MYCBP2: variants seen among roughly 807,000 people sequenced by gnomAD.
The protein encoded by MYCBP2 is E3 ubiquitin-protein ligase MYCBP2.
A neutral mutation model predicts 525.3 loss-of-function variants in MYCBP2; 120 were observed. The observed-to-expected ratio is 0.23, with a 90% confidence interval of 0.20 to 0.27. The LOEUF is 0.27. Among genes scored for constraint, MYCBP2 ranks in the 10% least tolerant of loss-of-function variants. The pLI is 1.00. For missense variants in MYCBP2, 4,149 were observed against 5,657.1 expected, an observed-to-expected ratio of 0.73 and a Z score of 8.55; for synonymous variants, 1,894 against 1,955.8, an observed-to-expected ratio of 0.97 and a Z score of 0.83.
At chr13:77,294,517 G>A (rs531219124) in intron 2 of MYCBP2, among the ~76,000 whole-genome samples, 2 of 152,190 alleles carry the variant, frequency 1.3e-5, no homozygotes, top group African/African-American at 4.8e-5. Context: ...GCTAGTTGGA[G>A]GCCGAATTGA....
At chr13:77,285,932 T>C (rs2154356749) in intron 3 of MYCBP2, among the ~76,000 whole-genome samples, 1 of 150,404 alleles carries the variant, frequency 6.6e-6, no homozygotes, top group East Asian at 2.1e-4. Flanking sequence ...GAAGGAGCTA[T>C]TAGAGTAGGT....
intron 52 of MYCBP2, among the ~76,000 whole-genome samples, chr13:77,131,255 G>A (rs746966454): frequency 2.6e-5 from 4 of 152,108 alleles, no homozygotes. Flanking sequence ...AGTAGTGCAT[G>A]CCTATACTCG....
intron 2 of MYCBP2, among the ~76,000 whole-genome samples, chr13:77,290,793 A>G (rs1359745206): frequency 6.6e-6 from 1 of 152,144 alleles, no homozygotes; most frequent in Non-Finnish European, 1.5e-5. Context: ...CTGTGGTAAG[A>G]GTCACATGGA....
At chr13:77,053,082 A>C (rs2037166993) in intron 80 of MYCBP2, among the ~76,000 whole-genome samples, 2 of 151,934 alleles carry the variant, frequency 1.3e-5, no homozygotes, top group Non-Finnish European at 2.9e-5. Flanking sequence ...AGGCTGCAGT[A>C]AGCTGAGATC....
At chr13:77,064,118 C>T (rs1014898608) in intron 73 of MYCBP2, among the ~76,000 whole-genome samples, 1 of 152,130 alleles carries the variant, frequency 6.6e-6, no homozygotes, top group Admixed American at 6.5e-5. Context: ...AATCTCATTT[C>T]CTCAAAGATT....
At chr13:77,277,947 CTTT>C (rs2075806513) in intron 4 of MYCBP2, among the ~76,000 whole-genome samples, 1 of 152,154 alleles carries the variant, frequency 6.6e-6, no homozygotes, top group East Asian at 1.9e-4. Flanking sequence ...TCCTTAGTAC[CTTT>C]TAAGTAAAAG....
chr13:77,277,101 C>CA (rs1257365555), intron 4 of MYCBP2, among the ~76,000 whole-genome samples: 3 of 152,052 alleles, frequency 2.0e-5, no homozygotes, highest in African/African-American at 7.2e-5. Context: ...TAACAACTGA[C>CA]ATGAGACATG....
intron 8 of MYCBP2, among the ~76,000 whole-genome samples, chr13:77,267,188 G>T (rs967676557): frequency 2.0e-5 from 3 of 151,766 alleles, no homozygotes. Flanking sequence ...CATTTTTCCA[G>T]CATTCATCAA....
At chr13:77,195,146 T>C (rs1212404058) in intron 26 of MYCBP2, among the ~76,000 whole-genome samples, 1 of 152,192 alleles carries the variant, frequency 6.6e-6, no homozygotes, top group Non-Finnish European at 1.5e-5. Flanking sequence ...GGTGTCTAAA[T>C]TTTTAAATTA....
At chr13:77,277,556 C>T (rs955489038) in intron 4 of MYCBP2, among the ~76,000 whole-genome samples, 5 of 152,196 alleles carry the variant, frequency 3.3e-5, no homozygotes, top group African/African-American at 1.2e-4. Context: ...TAGGTTCATG[C>T]AGTTTGGTTC....
chr13:77,126,871 A>G (rs2051762747), intron 52 of MYCBP2, among the ~76,000 whole-genome samples: 1 of 152,126 alleles, frequency 6.6e-6, no homozygotes, highest in South Asian at 2.1e-4. Context: ...AAATAAAAAT[A>G]CTATACTATG....
chr13:77,242,898 T>C (rs551818751), intron 17 of MYCBP2, among the ~76,000 whole-genome samples, 161 bp downstream of exon 17: 1 of 152,342 alleles, frequency 6.6e-6, no homozygotes, highest in South Asian at 2.1e-4. Flanking sequence ...GAAGCATGAA[T>C]ACCCTGAATA....
chr13:77,180,597 A>G (rs773320860), intron 33 of MYCBP2, among the ~76,000 whole-genome samples: 1 of 152,222 alleles, frequency 6.6e-6, no homozygotes, highest in Non-Finnish European at 1.5e-5. Context: ...TTACAATTCT[A>G]TATGACAGAC....
chr13:77,192,387 C>CT (rs2061369471), intron 27 of MYCBP2, among the ~76,000 whole-genome samples: 1 of 152,146 alleles, frequency 6.6e-6, no homozygotes, highest in Non-Finnish European at 1.5e-5. Flanking sequence ...TGTTTGGAGT[C>CT]TGTCACATAA....
intron 52 of MYCBP2, among the ~76,000 whole-genome samples, chr13:77,133,347 A>C (rs2053225985): frequency 6.6e-6 from 1 of 152,224 alleles, no homozygotes; most frequent in Non-Finnish European, 1.5e-5. Context: ...AATTATTTTA[A>C]ACAGAATGAT....
chr13:77,189,128 G>T, intron 29 of MYCBP2, 81 bp from the exon 30 acceptor site: 1 of 924,060 alleles, frequency 1.1e-6, no homozygotes, highest in Non-Finnish European at 1.5e-6. Flanking sequence ...ATACATTTTT[G>T]AATGGGAAAA....
chr13:77,187,719 T>C (rs758550045), intron 30 of MYCBP2, among the ~76,000 whole-genome samples: 4 of 152,168 alleles, frequency 2.6e-5, no homozygotes, highest in Non-Finnish European at 4.4e-5. Context: ...ATCCTGTATT[T>C]GATACGTACT....
intron 68 of MYCBP2, among the ~76,000 whole-genome samples, chr13:77,073,560 A>C (rs1004354929): frequency 1.3e-5 from 2 of 152,170 alleles, no homozygotes; most frequent in African/African-American, 4.8e-5. Context: ...CAATAATATA[A>C]GAAAAGAAAT....
At chr13:77,188,193 C>A (rs78755726) in intron 30 of MYCBP2, among the ~76,000 whole-genome samples, 1,766 of 151,898 alleles carry the variant, frequency 0.012, 24 homozygotes, top group Middle Eastern at 0.021. Context: ...ACTTTTATCT[C>A]ATTCCTACCA....
Sources: gnomAD v4.1 joint callset for allele counts (sites outside exome capture counted in the v4.1 genomes callset) on GRCh38, gnomAD v4.1.1 for gene constraint, MANE v1.5 for transcripts, NCBI Gene and HGNC (gene_info 2026-07-23, HGNC 2026-07-21) for gene names.